NUP58: variants seen among roughly 807,000 people sequenced by gnomAD.
NUP58 encodes the protein nucleoporin 58.
NUP58 carries 17 observed loss-of-function variants against 70.1 expected under a neutral mutation model. The observed-to-expected ratio is 0.24, with a 90% confidence interval of 0.17 to 0.36. NUP58 has a LOEUF of 0.36. Ranked by LOEUF, NUP58 falls within the 10% of genes least tolerant of loss-of-function variation. NUP58 has a pLI of 1.00. For synonymous variants in NUP58, 275 were observed against 257.6 expected (o/e 1.07, Z -0.65); for missense variants, 644 against 701.5 (o/e 0.92, Z 0.93).
chr13:25,301,801 G>T lies in NUP58; in HGVS notation c.28G>T (p.Gly10Trp). 1 of 1,613,440 alleles carries T rather than the reference G, an allele frequency of 6.2e-7. No homozygotes were observed. The highest frequency in any genetic ancestry group is 8.5e-7 in the Non-Finnish European group (1 of 1,179,786). ...GTCCACAGGGTTCTCCTTCGGGTCC[G>T]GGACTCTGGGCTCCACCACCGTGGC... MSTGFSFGS[G>W]TLGSTTVAAG... The change falls in exon 1 of 16, where the codon GGG (glycine) becomes TGG (tryptophan). Residue 10 changes from glycine to tryptophan, a missense_variant. Transcript: ENST00000381736.
chr13:25,321,950 G>A (rs1232286452), intron 9 of NUP58, among the ~76,000 whole-genome samples: 5 of 152,064 alleles, frequency 3.3e-5, no homozygotes, highest in Non-Finnish European at 5.9e-5. Flanking sequence ...ATAGTAATGT[G>A]GCTAATGTTG....
rs75006590 is a variant in NUP58 at position 25,319,802 on chromosome 13, T to A, written c.710+452T>A. Among the ~76,000 whole-genome samples, 820 of 152,234 alleles carry A rather than the reference T, an allele frequency of 5.4e-3. 33 individuals carry two copies. The East Asian group carries it at 0.093, about 17-fold the overall frequency. On this transcript the variant is annotated intron_variant, in intron 7 of 15. Transcript: ENST00000381736. ...GATGGTCATTCTTCTTATTACCAAT[T>A]ATATTTTCTCACATGATTTGTACTA... is the stretch of plus-strand genomic sequence containing the variant.
Position 25,340,105 on chromosome 13 carries a change from C to T in NUP58, c.1771C>T (p.Pro591Ser). 1 of 1,612,858 alleles carries T rather than the reference C, an allele frequency of 6.2e-7. No homozygotes were observed. The highest frequency in any genetic ancestry group is 8.5e-7 in the Non-Finnish European group (1 of 1,179,598). The change falls in exon 16 of 16, where the codon CCA (proline) becomes TCA (serine). Residue 591 changes from proline to serine, a missense_variant. This residue lies in a region of NUP58 where 132 missense variants were observed against 203.9 expected (regional missense o/e 0.65). Coordinates refer to ENST00000381736, the MANE Select transcript of NUP58 (RefSeq NM_014089.4). ...GGQLLQLKKP[P>S]AGNKRGKR is the part of the protein sequence containing the mutation. ...ACAACTCCTTCAGTTGAAGAAACCT[C>T]CAGCTGGAAACAAAAGAGGAAAAAG... is the stretch of plus-strand genomic sequence containing the variant.
chr13:25,335,396 T>G (rs1338303557), intron 13 of NUP58: 1 of 985,314 alleles, frequency 1.0e-6, no homozygotes, highest in African/African-American at 1.7e-5. Flanking sequence ...CAGTGCCTCC[T>G]ATTAACCTGT....
rs1261082884 is a variant in NUP58 at position 25,331,470 on chromosome 13, T to A, written c.1347T>A (p.Thr449=). The part of the protein sequence containing the change: ...AKKWQNTPRV[T]TGPTPFSTMP... ...AGTGGCAGAACACACCCAGAGTTAC[T>A]ACTGGACCCACTCCTTTCAGCACCA... The change falls in exon 13 of 16, where the codon ACT becomes ACA. Residue 449 remains threonine (T), a synonymous_variant. Coordinates refer to ENST00000381736, the MANE Select transcript of NUP58 (RefSeq NM_014089.4). 2 of 1,614,092 alleles carry A rather than the reference T, an allele frequency of 1.2e-6. No individual in the cohort carries two copies. The highest frequency in any genetic ancestry group is 4.5e-5 in the East Asian group (2 of 44,892).
At chr13:25,325,589 G>C (rs1043432415) in intron 10 of NUP58, among the ~76,000 whole-genome samples, 1 of 152,168 alleles carries the variant, frequency 6.6e-6, no homozygotes, top group African/African-American at 2.4e-5. Context: ...TTCCCATGCA[G>C]TGTGCTTAGG....
intron 13 of NUP58, chr13:25,334,109 G>C: frequency 2.0e-6 from 2 of 985,192 alleles, no homozygotes; most frequent in Non-Finnish European, 2.4e-6. Flanking sequence ...TGTTCTGAAG[G>C]CTGCAGAGAA....
chr13:25,337,003 A>G lies in NUP58; in HGVS notation c.1503A>G (p.Gln501=), dbSNP rs1192124279. ...PFGSGIGTGL[Q]SSGLGSSNLG... is the part of the protein sequence containing the mutation. ...GCTCAGGTATTGGCACTGGCTTGCA[A>G]TCAAGTGGCTTAGGTTCTTCAAACC... The change falls in exon 14 of 16, where the codon CAA becomes CAG. Residue 501 remains glutamine (Q), a synonymous_variant. Transcript: ENST00000381736. 3.7e-6 allele frequency: 6 copies of G among 1,609,268 alleles called. No individual in the cohort carries two copies. Among genetic ancestry groups the G allele is most frequent in the Non-Finnish European group, 5.1e-6 (6 of 1,178,418 alleles).
At chr13:25,335,471 A>G (rs1450046215) in intron 13 of NUP58, 1 of 985,132 alleles carries the variant, frequency 1.0e-6, no homozygotes, top group Non-Finnish European at 1.2e-6. Flanking sequence ...GTTAGGAATC[A>G]GAAAGTATAA....
At chr13:25,302,841 C>A in intron 1 of NUP58, 1 of 393,684 alleles carries the variant, frequency 2.5e-6, no homozygotes, top group Admixed American at 3.2e-5. Context: ...AATTTTCATC[C>A]ATACCTCCGT....
intron 1 of NUP58, among the ~76,000 whole-genome samples, chr13:25,306,961 TC>T (rs1293931790): frequency 6.6e-6 from 1 of 152,206 alleles, no homozygotes; most frequent in Non-Finnish European, 1.5e-5. Flanking sequence ...CACTAGTTTT[TC>T]TATGCTTTTT....
chr13:25,327,764 A>T (rs1282200863), intron 12 of NUP58, among the ~76,000 whole-genome samples: 3 of 152,184 alleles, frequency 2.0e-5, no homozygotes, highest in Admixed American at 2.0e-4. Flanking sequence ...ATAACTTTCT[A>T]TGTTAATACA....
chr13:25,322,687 T>G (rs1266110733), intron 9 of NUP58, among the ~76,000 whole-genome samples: 1 of 152,198 alleles, frequency 6.6e-6, no homozygotes, highest in African/African-American at 2.4e-5. Context: ...GTGCCTGATT[T>G]TATGTATGCA....
At chr13:25,326,027 C>T (rs763303377) in intron 10 of NUP58, among the ~76,000 whole-genome samples, 7 of 152,058 alleles carry the variant, frequency 4.6e-5, no homozygotes, top group Non-Finnish European at 1.0e-4. Flanking sequence ...ACATTTCTCC[C>T]CCAAACAGTT....
chr13:25,328,723 G>A (rs919489465), intron 12 of NUP58, among the ~76,000 whole-genome samples: 13 of 152,024 alleles, frequency 8.6e-5, no homozygotes, highest in African/African-American at 2.4e-4. Context: ...TCATAATAAC[G>A]TTAGTTTTAA....
At chr13:25,304,478 T>TTTTA (rs1555253517) in intron 1 of NUP58, among the ~76,000 whole-genome samples, 1 of 83,410 alleles carries the variant, frequency 1.2e-5, no homozygotes, top group Admixed American at 1.5e-4. Flanking sequence ...GTTGTCAAGA[T>TTTTA]TATATATATA....
In NUP58 at chr13:25,331,461, C is replaced by A; in HGVS notation, c.1338C>A (p.Pro446=). 6.2e-7 allele frequency: 1 copy of A among 1,614,162 alleles called. No individual in the cohort carries two copies. The highest frequency in any genetic ancestry group is 2.2e-5 in the East Asian group (1 of 44,876). ...AAGCCAAGAAGTGGCAGAACACACC[C>A]AGAGTTACTACTGGACCCACTCCTT... ...RAEAKKWQNT[P]RVTTGPTPFS... The change falls in exon 13 of 16, where the codon CCC becomes CCA. Residue 446 remains proline (P), a synonymous_variant. Coordinates refer to ENST00000381736, the MANE Select transcript of NUP58 (RefSeq NM_014089.4).
intron 11 of NUP58, 152 bp downstream of exon 11, chr13:25,327,186 A>G (rs2031427987): frequency 1.8e-6 from 1 of 561,112 alleles, no homozygotes; most frequent in Admixed American, 3.4e-5. Flanking sequence ...TATAAATATA[A>G]TATGCTTTAT....
At chr13:25,329,373 T>A (rs1045197710) in intron 12 of NUP58, among the ~76,000 whole-genome samples, 1 of 151,702 alleles carries the variant, frequency 6.6e-6, no homozygotes, top group Non-Finnish European at 1.5e-5. Flanking sequence ...TAAACGTACA[T>A]TTTTTTTAGC....
Sources: gnomAD v4.1 joint callset for allele counts (sites outside exome capture counted in the v4.1 genomes callset) on GRCh38, gnomAD v4.1.1 for gene constraint, gnomAD v4.1.1 regional missense constraint, MANE v1.5 for transcripts, NCBI Gene and HGNC (gene_info 2026-07-23, HGNC 2026-07-21) for gene names.